TTC39B: variants seen among roughly 807,000 people sequenced by gnomAD.
TTC39B encodes the protein tetratricopeptide repeat protein 39B.
A neutral mutation model predicts 96.6 loss-of-function variants in TTC39B; 92 were observed. That is an observed-to-expected ratio of 0.95 (90% CI 0.80 to 1.13). TTC39B has a LOEUF of 1.13. Ranked by LOEUF, TTC39B falls within the 50% of genes most tolerant of loss-of-function variation. TTC39B has a pLI of 0.00. For synonymous variants in TTC39B, 367 were observed against 299.4 expected (o/e 1.23, Z -2.33); for missense variants, 955 against 809.3 (o/e 1.18, Z -2.18).
intron 1 of TTC39B, among the ~76,000 whole-genome samples, chr9:15,271,073 A>G (rs147999051): frequency 0.026 from 3,956 of 151,768 alleles, 172 homozygotes; most frequent in African/African-American, 0.091. Context: ...CAGGCTTAAA[A>G]CCAAAGCATT....
rs544904080 is a variant in TTC39B, at chr9:15,274,100, G to A, written c.241-6152C>T. 4.6e-5 allele frequency among the ~76,000 whole-genome samples: 7 copies of A among 152,300 alleles called. No homozygotes were observed. In the South Asian group the frequency reaches 1.4e-3, roughly 32 times the overall value. ...ACATTCCTAGTTAAAGGAATCATAT[G>A]AGAAATGCATAAACTCAAGTCACAT... On this transcript the variant is annotated intron_variant, in intron 1 of 19. Coordinates refer to ENST00000512701, the Ensembl canonical transcript of TTC39B.
At chr9:15,171,288 G>C (rs1484254976) in exon 20 of TTC39B, 2 of 152,134 alleles carry the variant, frequency 1.3e-5, no homozygotes, top group Non-Finnish European at 2.9e-5. Context: ...TCATTGCTAA[G>C]GTTAAGAAAA....
At chr9:15,251,725 A>G (rs1357166747) in intron 2 of TTC39B, among the ~76,000 whole-genome samples, 8 of 128,956 alleles carry the variant, frequency 6.2e-5, no homozygotes, top group African/African-American at 2.7e-4. Flanking sequence ...ATATATATAT[A>G]TATATATATA....
exon 20 of TTC39B, chr9:15,171,616 A>G (rs1199717688): frequency 6.5e-6 from 1 of 153,244 alleles, no homozygotes; most frequent in Non-Finnish European, 1.5e-5. Context: ...ACAGGCAACA[A>G]AATATCTCTG....
At chr9:15,175,277 G>T in intron 18 of TTC39B, 142 bp from the exon 19 acceptor site, 1 of 596,584 alleles carries the variant, frequency 1.7e-6, no homozygotes, top group South Asian at 2.3e-5. Flanking sequence ...GTATAGTTAT[G>T]GAACTCATTA....
chr9:15,224,214 C>CCTAAAA (rs1383732561), intron 3 of TTC39B: 4 of 152,494 alleles, frequency 2.6e-5, no homozygotes, highest in African/African-American at 7.2e-5. Flanking sequence ...CCTCAACTTC[C>CCTAAAA]CTAAAACCTT....
At chr9:15,253,660 A>G (rs905346143) in intron 2 of TTC39B, among the ~76,000 whole-genome samples, 8 of 152,210 alleles carry the variant, frequency 5.3e-5, no homozygotes, top group Non-Finnish European at 8.8e-5. Flanking sequence ...CCCTTTGCCA[A>G]TATTATCATC....
intron 1 of TTC39B, among the ~76,000 whole-genome samples, chr9:15,277,877 T>C (rs1048834910): frequency 6.6e-6 from 1 of 152,212 alleles, no homozygotes; most frequent in East Asian, 1.9e-4. Flanking sequence ...AACTTGATTC[T>C]CAATAGCTAG....
chr9:15,206,791 A>C (rs1819884418), intron 6 of TTC39B, among the ~76,000 whole-genome samples: 1 of 152,122 alleles, frequency 6.6e-6, no homozygotes, highest in South Asian at 2.1e-4. Flanking sequence ...TCTGTCACCC[A>C]GGGTGGAGTA....
intron 2 of TTC39B, among the ~76,000 whole-genome samples, chr9:15,259,146 G>T (rs1456750486): frequency 6.6e-6 from 1 of 152,084 alleles, no homozygotes; most frequent in Non-Finnish European, 1.5e-5. Flanking sequence ...ATATACCATT[G>T]ACTCTATGAC....
intron 3 of TTC39B, among the ~76,000 whole-genome samples, chr9:15,220,800 G>A (rs565923272): frequency 6.6e-6 from 1 of 152,030 alleles, no homozygotes; most frequent in Non-Finnish European, 1.5e-5. Context: ...TTATTTTGTA[G>A]CATGGCCCTT....
chr9:15,187,116 A>C (rs1196010230), intron 14 of TTC39B, 81 bp from the exon 15 acceptor site: 1 of 972,980 alleles, frequency 1.0e-6, no homozygotes, highest in African/African-American at 1.7e-5. Context: ...ATGACCAACA[A>C]GTCTTCCAGA....
chr9:15,271,554 G>A (rs62570818), intron 1 of TTC39B, among the ~76,000 whole-genome samples: 1 of 152,088 alleles, frequency 6.6e-6, no homozygotes, highest in Non-Finnish European at 1.5e-5. Context: ...TCACAGTAGG[G>A]TTAGCTCTCC....
intron 2 of TTC39B, among the ~76,000 whole-genome samples, chr9:15,263,932 A>C (rs867990712): frequency 6.6e-6 from 1 of 152,256 alleles, no homozygotes; most frequent in Non-Finnish European, 1.5e-5. Flanking sequence ...GAAACCTAAA[A>C]GAGCAAGATA....
intron 1 of TTC39B, among the ~76,000 whole-genome samples, chr9:15,303,281 T>G (rs1419972767): frequency 6.6e-6 from 1 of 152,202 alleles, no homozygotes; most frequent in Non-Finnish European, 1.5e-5. Context: ...TTTCTATACC[T>G]ACATAATAGC....
At chr9:15,184,698 C>A (rs1363313369) in intron 16 of TTC39B, among the ~76,000 whole-genome samples, 1 of 152,168 alleles carries the variant, frequency 6.6e-6, no homozygotes, top group Non-Finnish European at 1.5e-5. Context: ...CTCTTGAGCA[C>A]TGGAAATACA....
At chr9:15,197,630 G>T (rs1479932548) in intron 8 of TTC39B, among the ~76,000 whole-genome samples, 2 of 151,720 alleles carry the variant, frequency 1.3e-5, no homozygotes, top group Admixed American at 1.3e-4. Context: ...GTAAGAATGG[G>T]GCAGAAAAAA....
chr9:15,235,020 G>GATAAATAAATAAATAA (rs1444990345), intron 2 of TTC39B, among the ~76,000 whole-genome samples: 1 of 55,422 alleles, frequency 1.8e-5, no homozygotes, highest in Non-Finnish European at 3.9e-5. Flanking sequence ...ACCCAAGAAT[G>GATAAATAAATAAATAA]ATCAATAAAT....
At chr9:15,274,863 A>G (rs1028957419) in intron 1 of TTC39B, among the ~76,000 whole-genome samples, 1 of 152,124 alleles carries the variant, frequency 6.6e-6, no homozygotes, top group African/African-American at 2.4e-5. Flanking sequence ...AAAAATAATA[A>G]CAGCAAAACA....
Sources: gnomAD v4.1 joint callset for allele counts (sites outside exome capture counted in the v4.1 genomes callset) on GRCh38, gnomAD v4.1.1 for gene constraint, MANE v1.5 for transcripts, NCBI Gene and HGNC (gene_info 2026-07-23, HGNC 2026-07-21) for gene names.